Variants in RIMS4 observed in about 807,000 individuals in gnomAD.
RIMS4 encodes the protein regulating synaptic membrane exocytosis protein 4.
In RIMS4, 9 loss-of-function variants were observed where a neutral mutation model predicts 29.0. The observed-to-expected ratio is 0.31, with a 90% CI of 0.19 to 0.54. The LOEUF (loss-of-function observed/expected upper bound fraction) is 0.54, where lower values mean the gene tolerates loss of function less well. Ranked by LOEUF, RIMS4 falls within the 20% of genes least tolerant of loss-of-function variation. The pLI, the probability that RIMS4 is intolerant of heterozygous loss-of-function variation, is 0.94. For missense variants in RIMS4, 193 were observed against 365.7 expected, an observed-to-expected ratio of 0.53 and a Z score of 3.85; for synonymous variants, 130 against 152.9, an observed-to-expected ratio of 0.85 and a Z score of 1.10.
intron 1 of RIMS4, among the ~76,000 whole-genome samples, chr20:44,775,611 G>A (rs956931535): frequency 2.6e-5 from 4 of 152,148 alleles, no homozygotes; most frequent in Admixed American, 1.3e-4. Context: ...CCACCCTTTC[G>A]GGACCTGCCT....
intron 1 of RIMS4, among the ~76,000 whole-genome samples, chr20:44,783,998 T>C (rs527938319): frequency 6.6e-6 from 1 of 152,286 alleles, no homozygotes; most frequent in South Asian, 2.1e-4. Flanking sequence ...CAATAAAGCT[T>C]ATATAAATCT....
chr20:44,791,128 G>A (rs1386978968), intron 1 of RIMS4, among the ~76,000 whole-genome samples: 2 of 152,212 alleles, frequency 1.3e-5, no homozygotes, highest in Non-Finnish European at 2.9e-5. Context: ...TTACAAACTA[G>A]TATTACAGCA....
At chr20:44,761,906 C>A (rs902597837) in intron 2 of RIMS4, among the ~76,000 whole-genome samples, 14 of 152,150 alleles carry the variant, frequency 9.2e-5, no homozygotes, top group Non-Finnish European at 1.6e-4. Context: ...GAAAGGTATA[C>A]CCACTATTCT....
chr20:44,753,689 T>G lies in RIMS4; in HGVS notation c.*2445A>C, dbSNP rs1234268663. 1 of 152,368 alleles carries G rather than the reference T, an allele frequency of 6.6e-6. No individual in the cohort carries two copies. Among genetic ancestry groups the G allele is most frequent in the Non-Finnish European group, 1.5e-5 (1 of 68,096 alleles). 9.4% of individuals were successfully genotyped at this position (152,368 alleles called of 1,614,324 possible). ...CTCTCCTCCCCAAACCCCCATCCCT[T>G]GGTGAGGACAGACCGTAGTTCCCAC... On this transcript the variant is annotated 3_prime_UTR_variant, in exon 6 of 6. Coordinates refer to ENST00000372851, the MANE Select transcript of RIMS4 (RefSeq NM_182970.4).
chr20:44,781,852 T>C (rs2145463048), intron 1 of RIMS4, among the ~76,000 whole-genome samples: 1 of 152,280 alleles, frequency 6.6e-6, no homozygotes, highest in South Asian at 2.1e-4. Context: ...TGGCCCCATA[T>C]GGCACTGGGA....
rs73617475 is a variant in RIMS4, at chr20:44,808,478, A to G, written c.97+1697T>C. Among the ~76,000 whole-genome samples the G allele has an allele frequency of 9.9e-5, 15 of 152,230 alleles. No homozygotes were observed. In the East Asian group the frequency reaches 2.1e-3, roughly 22 times the overall value. ...AGCCTGGCTCTTGAGATCCAAGTGG[A>G]CTGCTGACCACTCTACTGTGTTGGG... On this transcript the variant is annotated intron_variant, in intron 1 of 5. Coordinates refer to ENST00000372851, the MANE Select transcript of RIMS4 (RefSeq NM_182970.4).
chr20:44,757,844 T>C, intron 3 of RIMS4, 73 bp from the exon 4 acceptor site: 1 of 1,354,294 alleles, frequency 7.4e-7, no homozygotes, highest in Non-Finnish European at 1.1e-6. Context: ...TCTTCTCCTT[T>C]ACTTAGGGCT....
intron 1 of RIMS4, among the ~76,000 whole-genome samples, chr20:44,790,387 C>T (rs1295334895): frequency 1.3e-5 from 2 of 152,190 alleles, no homozygotes; most frequent in Admixed American, 6.5e-5. Context: ...CCCATAGACC[C>T]CTCCTCCCAG....
At chr20:44,764,187 CATTT>C (rs370894012) in intron 2 of RIMS4, among the ~76,000 whole-genome samples, 294 of 10,920 alleles carry the variant, frequency 0.027, 2 homozygotes, top group Non-Finnish European at 0.048. Context: ...TCCATCCATC[CATTT>C]ATCCATCCAT....
chr20:44,778,111 G>A (rs1568900091), intron 1 of RIMS4, among the ~76,000 whole-genome samples: 2 of 152,320 alleles, frequency 1.3e-5, no homozygotes, highest in East Asian at 3.9e-4. Context: ...GAAAATCAAG[G>A]GCTGAGAGCC....
chr20:44,790,180 C>T (rs963048456), intron 1 of RIMS4, among the ~76,000 whole-genome samples: 12 of 152,184 alleles, frequency 7.9e-5, no homozygotes, highest in African/African-American at 2.4e-4. Context: ...TGGCTGCTGA[C>T]GAAAGGCACA....
At chr20:44,805,781 G>C (rs576947901) in intron 1 of RIMS4, among the ~76,000 whole-genome samples, 3 of 152,110 alleles carry the variant, frequency 2.0e-5, no homozygotes, top group Non-Finnish European at 4.4e-5. Context: ...TAAAGGGGGA[G>C]GGGGAGAACT....
chr20:44,771,125 TTCTGAAGATGG>T, intron 2 of RIMS4, 139 bp downstream of exon 2: 1 of 864,526 alleles, frequency 1.2e-6, no homozygotes, highest in Non-Finnish European at 1.6e-6. Flanking sequence ...ACTGCCTCCC[TTCTGAAGATGG>T]GGGATGAACC....
At chr20:44,773,869 G>A (rs2066147993) in intron 1 of RIMS4, among the ~76,000 whole-genome samples, 1 of 152,190 alleles carries the variant, frequency 6.6e-6, no homozygotes, top group African/African-American at 2.4e-5. Flanking sequence ...CCACGGAGCT[G>A]TTGAGAGGCT....
At chr20:44,804,782 G>T (rs1431753665) in intron 1 of RIMS4, among the ~76,000 whole-genome samples, 1 of 152,118 alleles carries the variant, frequency 6.6e-6, no homozygotes, top group Admixed American at 6.5e-5. Context: ...CCACCAAACA[G>T]AACTAGGTGG....
intron 1 of RIMS4, among the ~76,000 whole-genome samples, chr20:44,775,391 G>A (rs962335542): frequency 1.3e-5 from 2 of 152,172 alleles, no homozygotes; most frequent in African/African-American, 4.8e-5. Context: ...GTGTGGGGGT[G>A]TCTTTCTTTG....
Position 44,755,853 on chromosome 20 carries a change from C to T in RIMS4, c.*281G>A. On this transcript the variant is annotated 3_prime_UTR_variant, in exon 6 of 6. Transcript: ENST00000372851. ...GGGAAGGGAGAGTGGTCTGCTCTGC[C>T]ACCTCAATCTTTCCTTTCTCTGGAC... 2.4e-6 allele frequency: 1 copy of T among 419,734 alleles called. No homozygotes were observed. The highest frequency in any genetic ancestry group is 4.4e-6 in the Non-Finnish European group (1 of 229,592). The allele number at this position is 419,734 out of a possible 1,614,324, so 26.0% of individuals were successfully genotyped here. A position where few individuals can be genotyped will look rare whatever the true frequency, so the allele number is the denominator to read the frequency against.
intron 2 of RIMS4, among the ~76,000 whole-genome samples, chr20:44,770,260 C>T (rs983075736): frequency 6.6e-6 from 1 of 152,206 alleles, no homozygotes; most frequent in African/African-American, 2.4e-5. Context: ...CCTGGTAACA[C>T]ACTTCATGAT....
chr20:44,791,864 C>T (rs34284047), intron 1 of RIMS4, among the ~76,000 whole-genome samples: 19 of 152,212 alleles, frequency 1.2e-4, no homozygotes, highest in African/African-American at 4.1e-4. Flanking sequence ...AGGAGCTGAT[C>T]GTGGTCCCAC....
Sources: gnomAD v4.1 joint callset for allele counts (sites outside exome capture counted in the v4.1 genomes callset) on GRCh38, gnomAD v4.1.1 for gene constraint, MANE v1.5 for transcripts, NCBI Gene and HGNC (gene_info 2026-07-23, HGNC 2026-07-21) for gene names.